OXR1: variants seen among roughly 807,000 people sequenced by gnomAD.
OXR1 encodes the protein oxidation resistance 1, also known as oxidation resistance protein 1.
A neutral mutation model predicts 104.6 loss-of-function variants in OXR1; 41 were observed. That is an observed-to-expected ratio of 0.39 (90% CI 0.31 to 0.51). The LOEUF is 0.51. OXR1 is among the 20% of genes least tolerant of loss of function. The probability of loss-of-function intolerance (pLI) is 0.77; values close to 1 mark genes in which losing one functional copy is unlikely to be tolerated. For synonymous variants in OXR1, 348 were observed against 348.4 expected, an observed-to-expected ratio of 1.00 and a Z score of 0.01; for missense variants, 955 against 1,031.9, an observed-to-expected ratio of 0.93 and a Z score of 1.02.
At chr8:106,454,756 C>G (rs2130627988) in intron 2 of OXR1, among the ~76,000 whole-genome samples, 1 of 152,230 alleles carries the variant, frequency 6.6e-6, no homozygotes, top group East Asian at 1.9e-4. Flanking sequence ...CTTCCCACTA[C>G]TCAATCCCTC....
intron 3 of OXR1, among the ~76,000 whole-genome samples, chr8:106,625,015 T>C (rs1011667231): frequency 1.3e-5 from 2 of 152,090 alleles, no homozygotes; most frequent in Admixed American, 1.3e-4. Flanking sequence ...TGGTATCGAA[T>C]TCCTGGGCTC....
At chr8:106,686,251 C>T (rs940617457) in intron 6 of OXR1, among the ~76,000 whole-genome samples, 4 of 149,520 alleles carry the variant, frequency 2.7e-5, no homozygotes, top group African/African-American at 9.9e-5. Context: ...ACCAGACACA[C>T]CTGCTCCCTG....
intron 2 of OXR1, among the ~76,000 whole-genome samples, chr8:106,369,437 A>G (rs977389064): frequency 5.9e-5 from 9 of 152,152 alleles, no homozygotes; most frequent in African/African-American, 2.2e-4. Flanking sequence ...TTTTGTTGCA[A>G]TTGTTTTTGA....
rs117648593 is a variant in OXR1, at chr8:106,310,588, G to A, written c.-139+40221G>A. Reference sequence around the variant, plus strand: ...TATCCTCTTATAACTTCTAGAGAAGGCTTCCATAATTGAGAGTATACATTT... The same window carrying A: ...TATCCTCTTATAACTTCTAGAGAAGACTTCCATAATTGAGAGTATACATTT... On this transcript the variant is annotated intron_variant, in intron 1 of 16. Coordinates refer to ENST00000517566, the MANE Select transcript of OXR1 (RefSeq NM_001198533.2). Among the ~76,000 whole-genome samples, 155 of 152,192 alleles carry A rather than the reference G, an allele frequency of 1.0e-3. 3 individuals carry two copies. In the East Asian group the frequency reaches 0.025, roughly 24 times the overall value.
At chr8:106,629,713 G>C (rs1357833098) in intron 3 of OXR1, among the ~76,000 whole-genome samples, 1 of 151,994 alleles carries the variant, frequency 6.6e-6, no homozygotes, top group Non-Finnish European at 1.5e-5. Context: ...TCACCACAAA[G>C]GCATTTCATA....
rs1339932293 is a variant in OXR1 at position 106,309,970 on chromosome 8, G to A, written c.-139+39603G>A. Among the ~76,000 whole-genome samples the A allele has an allele frequency of 3.3e-5, 5 of 150,986 alleles. No homozygotes were observed. In the South Asian group the frequency reaches 6.3e-4, roughly 19 times the overall value. On this transcript the variant is annotated intron_variant, in intron 1 of 16. Transcript: ENST00000517566. ...AACATTTTTAGCTGCTTTTTCTTCC[G>A]GTTTACCTCTGTGATTCTGAATATC...
At chr8:106,612,280 G>C (rs1437305394) in intron 3 of OXR1, among the ~76,000 whole-genome samples, 1 of 152,076 alleles carries the variant, frequency 6.6e-6, no homozygotes, top group Non-Finnish European at 1.5e-5. Context: ...ATATGGAAAT[G>C]AAATAGTATA....
intron 3 of OXR1, among the ~76,000 whole-genome samples, chr8:106,639,741 C>G (rs1426071939): frequency 6.6e-6 from 1 of 152,090 alleles, no homozygotes; most frequent in African/African-American, 2.4e-5. Context: ...GCAAGGGATT[C>G]AAAGAGTCCT....
intron 3 of OXR1, among the ~76,000 whole-genome samples, chr8:106,608,888 A>T (rs749626590): frequency 1.4e-4 from 21 of 152,196 alleles, no homozygotes; most frequent in Non-Finnish European, 2.8e-4. Context: ...CTTAGTGACA[A>T]CATTGTGAAT....
At chr8:106,306,089 G>A (rs544262439) in intron 1 of OXR1, among the ~76,000 whole-genome samples, 2 of 151,430 alleles carry the variant, frequency 1.3e-5, no homozygotes, top group South Asian at 4.2e-4. Context: ...TGATTATCTA[G>A]ATTTTGAAGA....
At chr8:106,333,020 A>G (rs1198311029) in intron 1 of OXR1, among the ~76,000 whole-genome samples, 3 of 152,168 alleles carry the variant, frequency 2.0e-5, no homozygotes, top group Non-Finnish European at 4.4e-5. Flanking sequence ...GTGTGCATAT[A>G]CTATATTTTG....
intron 2 of OXR1, among the ~76,000 whole-genome samples, chr8:106,507,296 G>A (rs1812231972): frequency 6.6e-6 from 1 of 152,082 alleles, no homozygotes; most frequent in Admixed American, 6.5e-5. Context: ...ATTGAGTTGA[G>A]TACTGTTATT....
At chr8:106,302,566 A>G (rs376119340) in intron 1 of OXR1, among the ~76,000 whole-genome samples, 8 of 143,426 alleles carry the variant, frequency 5.6e-5, no homozygotes, top group African/African-American at 2.1e-4. Context: ...AGCCTGGGCG[A>G]CAGAGCAAGA....
At chr8:106,276,992 T>A (rs1812073927) in intron 1 of OXR1, among the ~76,000 whole-genome samples, 1 of 152,208 alleles carries the variant, frequency 6.6e-6, no homozygotes, top group African/African-American at 2.4e-5. Context: ...GATAATTCTG[T>A]TATTAAGTTT....
chr8:106,401,637 C>A (rs1818006719), intron 2 of OXR1, among the ~76,000 whole-genome samples: 1 of 152,106 alleles, frequency 6.6e-6, no homozygotes, highest in South Asian at 2.1e-4. Flanking sequence ...GCCAAGAGAC[C>A]TCTTTTTTGG....
At chr8:106,661,281 A>G (rs1825738425) in intron 3 of OXR1, among the ~76,000 whole-genome samples, 1 of 151,826 alleles carries the variant, frequency 6.6e-6, no homozygotes, top group South Asian at 2.1e-4. Context: ...TCCTTCCTTT[A>G]CTCCTCTCCA....
intron 3 of OXR1, among the ~76,000 whole-genome samples, chr8:106,621,232 C>T (rs945603181): frequency 6.6e-6 from 1 of 152,062 alleles, no homozygotes. Context: ...ACTTAGATTC[C>T]CCACTTCCTT....
intron 2 of OXR1, among the ~76,000 whole-genome samples, chr8:106,400,061 A>G (rs1399630200): frequency 6.6e-6 from 1 of 152,042 alleles, no homozygotes; most frequent in East Asian, 1.9e-4. Flanking sequence ...CACAGAAATT[A>G]TTTGTGTTTT....
intron 10 of OXR1, among the ~76,000 whole-genome samples, chr8:106,711,030 A>G (rs1831630591): frequency 6.6e-6 from 1 of 152,086 alleles, no homozygotes; most frequent in Non-Finnish European, 1.5e-5. Flanking sequence ...TAGTAAAGAG[A>G]CTTAAGATAC....
Sources: allele counts gnomAD v4.1 joint callset (sites outside exome capture counted in the v4.1 genomes callset), GRCh38; gene constraint gnomAD v4.1.1; transcripts MANE v1.5; gene names NCBI Gene and HGNC (gene_info 2026-07-23, HGNC 2026-07-21).